The following BAIAP2L1 variants were observed in gnomAD, a reference collection of about 807,000 sequenced individuals.
BAIAP2L1 encodes the protein BAR/IMD domain-containing adapter protein 2-like 1.
A neutral mutation model predicts 66.3 loss-of-function variants in BAIAP2L1; 35 were observed. That is an observed-to-expected ratio of 0.53 (90% CI 0.40 to 0.70). BAIAP2L1 has a LOEUF of 0.70. Among genes scored for constraint, BAIAP2L1 ranks in the 30% least tolerant of loss-of-function variants. The pLI, the probability that BAIAP2L1 is intolerant of heterozygous loss-of-function variation, is 0.00. For missense variants in BAIAP2L1, 622 were observed against 656.9 expected (o/e 0.95, Z 0.58); for synonymous variants, 269 against 248.7 (o/e 1.08, Z -0.77).
intron 1 of BAIAP2L1, among the ~76,000 whole-genome samples, chr7:98,377,727 A>G (rs1047963575): frequency 2.0e-5 from 3 of 149,482 alleles, no homozygotes; most frequent in Non-Finnish European, 4.4e-5. Flanking sequence ...CTGAGGCAGG[A>G]GAATCACTTA....
chr7:98,383,409 G>C (rs1012662871), intron 1 of BAIAP2L1, among the ~76,000 whole-genome samples: 4 of 150,502 alleles, frequency 2.7e-5, no homozygotes, highest in East Asian at 2.0e-4. Context: ...TCAGCCTCCC[G>C]AGCAGCTGGG....
Position 98,398,665 on chromosome 7 carries a change from T to C in BAIAP2L1, c.51+2137A>G, listed in dbSNP as rs183555590. Among the ~76,000 whole-genome samples the C allele has an allele frequency of 4.6e-5, 7 of 152,300 alleles. No homozygotes were observed. The East Asian group carries it at 1.3e-3, about 29-fold the overall frequency. On this transcript the variant is annotated intron_variant, in intron 1 of 13. Coordinates refer to ENST00000005260, the MANE Select transcript of BAIAP2L1 (RefSeq NM_018842.5). Reference sequence around the variant, plus strand: ...CCAAAATGATGAAATCCACACTTTTTCCCTGCCGTTTCCGTTCTTTGGGTA... The same window carrying C: ...CCAAAATGATGAAATCCACACTTTTCCCCTGCCGTTTCCGTTCTTTGGGTA...
At chr7:98,367,505 G>T (rs906500516) in intron 1 of BAIAP2L1, among the ~76,000 whole-genome samples, 9 of 148,334 alleles carry the variant, frequency 6.1e-5, no homozygotes, top group African/African-American at 2.0e-4. Context: ...TGAGTAGATG[G>T]GATTATAGGC....
At chr7:98,357,038 TATATATATATA>T (rs1199837648) in intron 2 of BAIAP2L1, among the ~76,000 whole-genome samples, 12 of 16,424 alleles carry the variant, frequency 7.3e-4, no homozygotes, top group Non-Finnish European at 1.1e-3. Context: ...TATATATATA[TATATATATATA>T]TTTTTTTTTT....
In BAIAP2L1 at chr7:98,345,491, G is replaced by A. The variant is rs535342786; in HGVS notation, c.214+9551C>T. Among the ~76,000 whole-genome samples, 7 of 152,276 alleles carry A rather than the reference G, an allele frequency of 4.6e-5. No homozygotes were observed. In the South Asian group the frequency reaches 6.2e-4, roughly 14 times the overall value. Reference sequence around the variant, plus strand: ...TGTAATCCCAGCACTCTGGGAGGCCGAGGCGGGTGGATCACCTGAGGTAAG... The same window carrying A: ...TGTAATCCCAGCACTCTGGGAGGCCAAGGCGGGTGGATCACCTGAGGTAAG... On this transcript the variant is annotated intron_variant, in intron 3 of 13. Coordinates refer to ENST00000005260, the MANE Select transcript of BAIAP2L1 (RefSeq NM_018842.5).
At chr7:98,380,002 A>G (rs1802718728) in intron 1 of BAIAP2L1, among the ~76,000 whole-genome samples, 1 of 152,218 alleles carries the variant, frequency 6.6e-6, no homozygotes. Context: ...ACAACTTTAT[A>G]AATTTACTAA....
chr7:98,292,286 G>C lies in BAIAP2L1; in HGVS notation c.*1235C>G, dbSNP rs751125631. 6 of 307,226 alleles carry C rather than the reference G, an allele frequency of 2.0e-5. No homozygotes were observed. Among genetic ancestry groups the C allele is most frequent in the Non-Finnish European group, 3.8e-5 (6 of 158,960 alleles). The allele number at this position is 307,226 out of a possible 1,614,324, so 19.0% of individuals were successfully genotyped here. On this transcript the variant is annotated 3_prime_UTR_variant, in exon 14 of 14. Coordinates refer to ENST00000005260, the MANE Select transcript of BAIAP2L1 (RefSeq NM_018842.5). ...CGGCCGGGCTGGAGTGCAGCAGCAT[G>C]ATCTGGCTCACTGCAACCTCTGCCT...
intron 5 of BAIAP2L1, among the ~76,000 whole-genome samples, chr7:98,318,581 C>T (rs939623268): frequency 4.0e-5 from 6 of 151,812 alleles, no homozygotes; most frequent in Non-Finnish European, 8.8e-5. Context: ...GCCCAGTGAA[C>T]ACAGGGTCTT....
intron 3 of BAIAP2L1, among the ~76,000 whole-genome samples, chr7:98,323,587 G>A (rs1316527654): frequency 6.6e-6 from 1 of 152,196 alleles, no homozygotes; most frequent in Non-Finnish European, 1.5e-5. Flanking sequence ...TAGGGTGGAC[G>A]CCAACACCGT....
chr7:98,354,980 G>T, intron 3 of BAIAP2L1, 62 bp downstream of exon 3: 2 of 1,282,756 alleles, frequency 1.6e-6, no homozygotes, highest in Non-Finnish European at 2.3e-6. Flanking sequence ...CATCCCACGC[G>T]TTTCTCTTGG....
intron 3 of BAIAP2L1, among the ~76,000 whole-genome samples, chr7:98,335,242 TTC>T (rs1801590327): frequency 6.6e-6 from 1 of 151,532 alleles, no homozygotes; most frequent in African/African-American, 2.4e-5. Flanking sequence ...ATCCCATCCC[TTC>T]TCTCTGTTCC....
rs907488830 is a variant in BAIAP2L1 at position 98,292,541 on chromosome 7, G to A, written c.*980C>T. On this transcript the variant is annotated 3_prime_UTR_variant, in exon 14 of 14. Coordinates refer to ENST00000005260, the MANE Select transcript of BAIAP2L1 (RefSeq NM_018842.5). ...CAGCCAAAGATGATTTCCAGCCCCGGGCTCAGGGCAGCCAGTGCGTAGTCC... is the reference window on the plus strand; with the variant it reads ...CAGCCAAAGATGATTTCCAGCCCCGAGCTCAGGGCAGCCAGTGCGTAGTCC... The A allele has an allele frequency of 5.9e-6, 7 of 1,182,428 alleles. No homozygotes were observed. Among genetic ancestry groups the A allele is most frequent in the Non-Finnish European group, 8.6e-6 (7 of 816,994 alleles). The allele number at this position is 1,182,428 out of a possible 1,614,324, so 73.2% of individuals were successfully genotyped here. A position where few individuals can be genotyped will look rare whatever the true frequency, so the allele number is the denominator to read the frequency against.
Position 98,334,797 on chromosome 7 carries a change from C to T in BAIAP2L1, c.215-14499G>A, listed in dbSNP as rs1278662420. Among the ~76,000 whole-genome samples the T allele has an allele frequency of 5.9e-5, 9 of 151,512 alleles. No homozygotes were observed. The South Asian group carries it at 6.2e-4, about 11-fold the overall frequency. On this transcript the variant is annotated intron_variant, in intron 3 of 13. Transcript: ENST00000005260. ...CTGACCTCAGGTGATCCGCCCGCCT[C>T]GGCCTCCCAAAGTGCTGGGATTACA... is the stretch of plus-strand genomic sequence containing the variant.
At chr7:98,372,046 C>T (rs35174341) in intron 1 of BAIAP2L1, among the ~76,000 whole-genome samples, 9 of 151,804 alleles carry the variant, frequency 5.9e-5, no homozygotes, top group South Asian at 2.1e-4. Flanking sequence ...CACCTGCCTC[C>T]GCCTCCCAAA....
At chr7:98,357,071 G>A (rs1802153179) in intron 2 of BAIAP2L1, among the ~76,000 whole-genome samples, 4 of 72,486 alleles carry the variant, frequency 5.5e-5, no homozygotes, top group Non-Finnish European at 7.4e-5. Flanking sequence ...TTTTTTTTAA[G>A]AGTAGGGGTC....
rs1164135819 is a variant in BAIAP2L1 at position 98,377,765 on chromosome 7, GC to G, written c.52-15334del. On this transcript the variant is annotated intron_variant, in intron 1 of 13. Coordinates refer to ENST00000005260, the MANE Select transcript of BAIAP2L1 (RefSeq NM_018842.5). ...CTTCAGGAGGCAGAGGCTGCAGTGA[GC>G]CAGTATCTCACCACTGACTCTCCAG... is the stretch of plus-strand genomic sequence containing the variant. 2.3e-5 allele frequency among the ~76,000 whole-genome samples: 3 copies of G among 132,110 alleles called. No homozygotes were observed. The South Asian group carries it at 7.6e-4, about 34-fold the overall frequency. The allele number at this position is 132,110 out of a possible 152,430, so 86.7% of individuals were successfully genotyped here. A position where few individuals can be genotyped will look rare whatever the true frequency, so the allele number is the denominator to read the frequency against.
At chr7:98,296,247 T>A (rs1318908601) in intron 12 of BAIAP2L1, among the ~76,000 whole-genome samples, 3 of 152,228 alleles carry the variant, frequency 2.0e-5, no homozygotes, top group African/African-American at 7.2e-5. Context: ...GCCGGGAACG[T>A]CCTGCTGGGT....
chr7:98,378,756 C>A (rs1302889296), intron 1 of BAIAP2L1, among the ~76,000 whole-genome samples: 1 of 151,576 alleles, frequency 6.6e-6, no homozygotes, highest in East Asian at 1.9e-4. Context: ...GTGCCTCAGC[C>A]TCTCCAGCAG....
At chr7:98,343,059 T>C (rs1325907184) in intron 3 of BAIAP2L1, among the ~76,000 whole-genome samples, 1 of 151,746 alleles carries the variant, frequency 6.6e-6, no homozygotes, top group African/African-American at 2.4e-5. Flanking sequence ...TGACAATCTG[T>C]TGAGTGGCAT....
Sources: allele counts gnomAD v4.1 joint callset (sites outside exome capture counted in the v4.1 genomes callset), GRCh38; gene constraint gnomAD v4.1.1; transcripts MANE v1.5; gene names NCBI Gene and HGNC (gene_info 2026-07-23, HGNC 2026-07-21).